Variants in MSI1 observed in about 807,000 individuals in gnomAD.
MSI1 encodes RNA-binding protein Musashi homolog 1.
MSI1 carries 15 observed loss-of-function variants against 54.4 expected under a neutral mutation model. That is an observed-to-expected ratio of 0.28 (90% CI 0.18 to 0.42). The LOEUF (loss-of-function observed/expected upper bound fraction) is 0.42. MSI1 is among the 20% of genes least tolerant of loss of function. The pLI, the probability that MSI1 is intolerant of heterozygous loss-of-function variation, is 1.00. For synonymous variants in MSI1, 200 were observed against 196.5 expected, an observed-to-expected ratio of 1.02 and a Z score of -0.15; for missense variants, 304 against 506.0, an observed-to-expected ratio of 0.60 and a Z score of 3.83.
At chr12:120,348,126 C>T (rs1482542236) in intron 11 of MSI1, among the ~76,000 whole-genome samples, 1 of 152,028 alleles carries the variant, frequency 6.6e-6, no homozygotes, top group African/African-American at 2.4e-5. Flanking sequence ...CCTGACCACC[C>T]AGAAATGACC....
chr12:120,364,649 T>C, intron 5 of MSI1, 65 bp downstream of exon 5: 1 of 1,456,304 alleles, frequency 6.9e-7, no homozygotes, highest in Non-Finnish European at 9.3e-7. Flanking sequence ...CAGGAAATAC[T>C]GGGAAAATCA....
chr12:120,353,030 G>A (rs1333089501), intron 10 of MSI1, among the ~76,000 whole-genome samples: 1 of 152,040 alleles, frequency 6.6e-6, no homozygotes, highest in Non-Finnish European at 1.5e-5. Context: ...GTCGGGTGGG[G>A]AGGAGAGACA....
chr12:120,350,995 G>A (rs1387092152), intron 11 of MSI1, among the ~76,000 whole-genome samples: 1 of 152,104 alleles, frequency 6.6e-6, no homozygotes, highest in African/African-American at 2.4e-5. Flanking sequence ...GTGTGCAGAC[G>A]TCCCCACCCA....
At chr12:120,350,298 A>G (rs1055014924) in intron 11 of MSI1, among the ~76,000 whole-genome samples, 1 of 152,092 alleles carries the variant, frequency 6.6e-6, no homozygotes, top group Non-Finnish European at 1.5e-5. Flanking sequence ...GAGTGCTGGG[A>G]TTATAGGCGT....
intron 5 of MSI1, among the ~76,000 whole-genome samples, chr12:120,363,899 C>T (rs1875851527): frequency 6.6e-6 from 1 of 152,178 alleles, no homozygotes; most frequent in Non-Finnish European, 1.5e-5. Context: ...GCTCTAGTTC[C>T]ACCTGGCAAA....
chr12:120,359,629 A>T (rs1016033997), intron 6 of MSI1, among the ~76,000 whole-genome samples: 1 of 152,008 alleles, frequency 6.6e-6, no homozygotes, highest in African/African-American at 2.4e-5. Flanking sequence ...GAAGGGAAGG[A>T]GACTGGGAAA....
intron 4 of MSI1, 127 bp downstream of exon 4, chr12:120,367,881 T>C (rs1592952428): frequency 1.1e-6 from 1 of 911,534 alleles, no homozygotes; most frequent in East Asian, 2.7e-5. Flanking sequence ...ATGGCAGCCC[T>C]CTTACTCAGA....
chr12:120,367,877 G>T, intron 4 of MSI1, 131 bp downstream of exon 4: 1 of 851,784 alleles, frequency 1.2e-6, no homozygotes, highest in Non-Finnish European at 1.8e-6. Context: ...GAGCATGGCA[G>T]CCCTCTTACT....
rs183728925 is a variant in MSI1 at position 120,347,100 on chromosome 12, C to T, written c.859+346G>A. ...GAGTAGCTGGGATTACAGGCGCGCA[C>T]CACCACGCCCAGCTAATTTTTGTAT... On this transcript the variant is annotated intron_variant, in intron 12 of 14. Coordinates refer to ENST00000257552, the MANE Select transcript of MSI1 (RefSeq NM_002442.4). Among the ~76,000 whole-genome samples the T allele has an allele frequency of 5.9e-5, 9 of 152,326 alleles. No individual in the cohort carries two copies. In the East Asian group the frequency reaches 1.7e-3, roughly 29 times the overall value.
rs1876225459 is a variant in MSI1 at position 120,369,080 on chromosome 12, G to T, written c.12C>A (p.Asp4Glu). The T allele has an allele frequency of 2.0e-6, 2 of 1,021,124 alleles. No homozygotes were observed. The highest frequency in any genetic ancestry group is 2.3e-6 in the Non-Finnish European group (2 of 857,732). The allele number at this position is 1,021,124 out of a possible 1,614,324, so 63.3% of individuals were successfully genotyped here. ...GGGAGGCGAGGCCGGGCTGGGGCGCGTCAGTCTCCATCGGGAGCCGCGGGC... is the reference window on the plus strand; with the variant it reads ...GGGAGGCGAGGCCGGGCTGGGGCGCTTCAGTCTCCATCGGGAGCCGCGGGC... MET[D>E]APQPGLASPD... Residue 4 changes from aspartate to glutamate, a missense_variant, in exon 1 of 15, where the codon GAC becomes GAA. Asp to Glu is a conservative substitution (Grantham distance 45). Around this residue, in one of 4 missense-constraint regions of MSI1, gnomAD observed 30 missense variants for 24.8 expected, o/e 1.21. Coordinates refer to ENST00000257552, the MANE Select transcript of MSI1 (RefSeq NM_002442.4).
In MSI1 at chr12:120,346,236, T is replaced by C. The variant is rs1314036740; in HGVS notation, c.946A>G (p.Met316Val). The change falls in exon 13 of 15, where the codon ATG becomes GTG. Residue 316 changes from methionine (M) to valine (V), a missense_variant. Transcript: ENST00000257552. ...TTGGCCGCCCCGTAGAGCTCGGCCA[T>C]GGGGCCGGGGCTGGTGGTCCCCAGG... is the stretch of plus-strand genomic sequence containing the variant. Reference protein sequence around the residue: ...GFLGTTSPGPMAELYGAANQD... With the variant: ...GFLGTTSPGPVAELYGAANQD... The C allele has an allele frequency of 1.9e-6, 3 of 1,596,260 alleles. No individual in the cohort carries two copies. The highest frequency in any genetic ancestry group is 2.3e-5 in the East Asian group (1 of 44,256).
chr12:120,360,443 AATCTC>A (rs1305039906), intron 6 of MSI1, among the ~76,000 whole-genome samples: 1 of 152,188 alleles, frequency 6.6e-6, no homozygotes, highest in Non-Finnish European at 1.5e-5. Flanking sequence ...GTCCCTGGAG[AATCTC>A]ATGACATCTC....
chr12:120,344,636 AG>A, intron 14 of MSI1, among the ~76,000 whole-genome samples: 1 of 152,024 alleles, frequency 6.6e-6, no homozygotes, highest in South Asian at 2.1e-4. Flanking sequence ...TGAGCCTAGG[AG>A]TTCCAGGCTG....
intron 9 of MSI1, among the ~76,000 whole-genome samples, chr12:120,354,829 A>G (rs1874940009): frequency 6.6e-6 from 1 of 152,174 alleles, no homozygotes; most frequent in Non-Finnish European, 1.5e-5. Context: ...GAAAGAGACA[A>G]GACAACTAAC....
chr12:120,347,804 G>A (rs1181436056), intron 11 of MSI1, among the ~76,000 whole-genome samples: 1 of 152,198 alleles, frequency 6.6e-6, no homozygotes, highest in African/African-American at 2.4e-5. Context: ...CTCATGGAGG[G>A]TGGAGGCAGG....
At chr12:120,359,297 G>A (rs774024099) in intron 6 of MSI1, among the ~76,000 whole-genome samples, 1 of 152,204 alleles carries the variant, frequency 6.6e-6, no homozygotes, top group Non-Finnish European at 1.5e-5. Flanking sequence ...TCCCTGCATG[G>A]TAAGATCCCC....
At chr12:120,352,896 T>G (rs1874750641) in intron 10 of MSI1, among the ~76,000 whole-genome samples, 1 of 152,142 alleles carries the variant, frequency 6.6e-6, no homozygotes, top group African/African-American at 2.4e-5. Context: ...TTGTCTGGAC[T>G]TGAAAGAGCT....
intron 4 of MSI1, among the ~76,000 whole-genome samples, chr12:120,366,015 A>G (rs1875995444): frequency 6.6e-6 from 1 of 152,192 alleles, no homozygotes; most frequent in African/African-American, 2.4e-5. Context: ...CCAGAGGGAA[A>G]AATCAAGATG....
At position 120,353,022 on chromosome 12, in the gene MSI1, C is replaced by G. The variant is rs571555991; in HGVS notation, c.733+277G>C. ...CTGGTGGAAGTGGCAACCCTGGAGT[C>G]GGGTGGGGAGGAGAGACAGGCAGGA... On this transcript the variant is annotated intron_variant, in intron 10 of 14. Transcript: ENST00000257552. Among the ~76,000 whole-genome samples, 15 of 151,370 alleles carry G rather than the reference C, an allele frequency of 9.9e-5. No individual in the cohort carries two copies. In the East Asian group the frequency reaches 2.7e-3, roughly 28 times the overall value.
Sources: allele counts gnomAD v4.1 joint callset (sites outside exome capture counted in the v4.1 genomes callset), GRCh38; gene constraint gnomAD v4.1.1; regional missense constraint gnomAD v4.1.1; transcripts MANE v1.5; gene names NCBI Gene and HGNC (gene_info 2026-07-23, HGNC 2026-07-21).